Variants in DPYD observed in about 807,000 individuals in gnomAD.
DPYD encodes the protein dihydropyrimidine dehydrogenase.
A neutral mutation model predicts 116.2 loss-of-function variants in DPYD; 109 were observed. That is an observed-to-expected ratio of 0.94 (90% CI 0.80 to 1.10). The LOEUF is 1.10. Among genes scored for constraint, DPYD ranks in the 50% least tolerant of loss-of-function variants. The probability of loss-of-function intolerance (pLI) is 0.00; values close to 1 mark genes in which losing one functional copy is unlikely to be tolerated. For missense variants in DPYD, 1,302 were observed against 1,254.5 expected (o/e 1.04, Z -0.57); for synonymous variants, 440 against 432.0 (o/e 1.02, Z -0.23).
At chr1:97,762,752 T>C (rs1373368518) in intron 3 of DPYD, among the ~76,000 whole-genome samples, 1 of 152,150 alleles carries the variant, frequency 6.6e-6, no homozygotes, top group African/African-American at 2.4e-5. Flanking sequence ...ACCTCCAATT[T>C]GTTTTAAGCA....
intron 11 of DPYD, among the ~76,000 whole-genome samples, chr1:97,553,162 T>C (rs995767405): frequency 3.3e-5 from 5 of 151,984 alleles, no homozygotes; most frequent in Non-Finnish European, 5.9e-5. Flanking sequence ...TCTAAGCACA[T>C]GTAATATTCA....
At chr1:97,364,797 G>A (rs1186188066) in intron 16 of DPYD, among the ~76,000 whole-genome samples, 1 of 152,082 alleles carries the variant, frequency 6.6e-6, no homozygotes, top group Non-Finnish European at 1.5e-5. Context: ...TCAGTCTTCA[G>A]CCAATACTCC....
rs531137567 is a variant in DPYD at position 97,185,775 on chromosome 1, A to T, written c.2622+7294T>A. On this transcript the variant is annotated intron_variant, in intron 20 of 22. Transcript: ENST00000370192. ...CTAAAAAACATGAACAAACTAATCT[A>T]TGGTGGCAGGTGCTAGATGGTGTTT... Among the ~76,000 whole-genome samples the T allele has an allele frequency of 2.0e-5, 3 of 152,272 alleles. No individual in the cohort carries two copies. In the South Asian group the frequency reaches 6.2e-4, roughly 32 times the overall value.
At chr1:97,572,803 T>C (rs1218858876) in intron 11 of DPYD, among the ~76,000 whole-genome samples, 1 of 152,022 alleles carries the variant, frequency 6.6e-6, no homozygotes, top group Admixed American at 6.6e-5. Context: ...GCCCTGCAGA[T>C]AAAATATCTG....
chr1:97,613,036 G>C (rs1341104279), intron 8 of DPYD, among the ~76,000 whole-genome samples: 1 of 151,886 alleles, frequency 6.6e-6, no homozygotes, highest in Non-Finnish European at 1.5e-5. Flanking sequence ...CTAAATAGTA[G>C]CATAAAAATA....
At chr1:97,245,012 A>G (rs1035673836) in intron 18 of DPYD, among the ~76,000 whole-genome samples, 9 of 152,108 alleles carry the variant, frequency 5.9e-5, no homozygotes, top group Non-Finnish European at 1.3e-4. Flanking sequence ...TCCACTTCAT[A>G]TGAAAAAATA....
intron 8 of DPYD, among the ~76,000 whole-genome samples, chr1:97,639,871 A>G (rs2100814707): frequency 6.6e-6 from 1 of 152,340 alleles, no homozygotes; most frequent in African/African-American, 2.4e-5. Context: ...GTGTATGAAC[A>G]GATGACGCAG....
intron 20 of DPYD, among the ~76,000 whole-genome samples, chr1:97,178,375 T>C (rs1657432808): frequency 1.3e-5 from 2 of 152,158 alleles, no homozygotes; most frequent in African/African-American, 4.8e-5. Context: ...GACTCACAAT[T>C]CTGCACTGCT....
intron 1 of DPYD, among the ~76,000 whole-genome samples, chr1:97,910,108 A>G (rs1673858725): frequency 6.6e-6 from 1 of 152,096 alleles, no homozygotes; most frequent in South Asian, 2.1e-4. Flanking sequence ...AGACCCTACT[A>G]GCCATTCTGC....
At chr1:97,719,436 T>C (rs145323371) in intron 5 of DPYD, among the ~76,000 whole-genome samples, 51 of 152,044 alleles carry the variant, frequency 3.4e-4, no homozygotes, top group African/African-American at 1.0e-3. Flanking sequence ...GTTGAAAAAA[T>C]AGATTTGTAT....
chr1:97,149,138 A>G (rs1459463279), intron 20 of DPYD, among the ~76,000 whole-genome samples: 2 of 152,262 alleles, frequency 1.3e-5, no homozygotes, highest in East Asian at 3.8e-4. Context: ...GTTGATTATC[A>G]TAAGTTAGGA....
chr1:97,483,588 C>T (rs2101886634), intron 13 of DPYD, among the ~76,000 whole-genome samples: 1 of 152,184 alleles, frequency 6.6e-6, no homozygotes, highest in Non-Finnish European at 1.5e-5. Context: ...CAGCAAACCA[C>T]CATGGCACAC....
At chr1:97,377,375 AT>A (rs1238402189) in intron 15 of DPYD, among the ~76,000 whole-genome samples, 2 of 152,180 alleles carry the variant, frequency 1.3e-5, no homozygotes, top group East Asian at 3.8e-4. Flanking sequence ...ATCTATCTAA[AT>A]ACTTTATCTA....
intron 19 of DPYD, among the ~76,000 whole-genome samples, chr1:97,212,431 A>G (rs917278686): frequency 4.6e-5 from 7 of 152,106 alleles, no homozygotes; most frequent in Non-Finnish European, 7.4e-5. Context: ...ATCTCATTGT[A>G]TGGATGTACC....
At chr1:97,567,818 T>C (rs767080333) in intron 11 of DPYD, among the ~76,000 whole-genome samples, 4 of 152,270 alleles carry the variant, frequency 2.6e-5, no homozygotes, top group Non-Finnish European at 5.9e-5. Context: ...ACAAAAGTCA[T>C]TTAAAAATAT....
intron 16 of DPYD, among the ~76,000 whole-genome samples, chr1:97,319,079 G>A (rs1187619789): frequency 5.0e-5 from 4 of 79,342 alleles, no homozygotes; most frequent in African/African-American, 1.6e-4. Context: ...TGCATTCAAA[G>A]CAGTGTGTAG....
At chr1:97,174,140 G>T (rs1313233208) in intron 20 of DPYD, among the ~76,000 whole-genome samples, 8 of 152,016 alleles carry the variant, frequency 5.3e-5, no homozygotes, top group Admixed American at 5.2e-4. Flanking sequence ...TATAAGGGTA[G>T]GTAGGACGTT....
chr1:97,208,800 C>A (rs1326874859), intron 19 of DPYD, among the ~76,000 whole-genome samples: 1 of 152,064 alleles, frequency 6.6e-6, no homozygotes, highest in Non-Finnish European at 1.5e-5. Context: ...CCATGCAGAG[C>A]TGTTGTGAGG....
intron 16 of DPYD, among the ~76,000 whole-genome samples, chr1:97,358,584 C>T (rs1420985767): frequency 2.0e-5 from 3 of 152,098 alleles, no homozygotes; most frequent in Non-Finnish European, 4.4e-5. Flanking sequence ...GGCAGCTGCC[C>T]CTCTGGGACG....
Sources: allele counts gnomAD v4.1 joint callset (sites outside exome capture counted in the v4.1 genomes callset), GRCh38; gene constraint gnomAD v4.1.1; transcripts MANE v1.5; gene names NCBI Gene and HGNC (gene_info 2026-07-23, HGNC 2026-07-21).